ARL14EPL: variants seen among roughly 807,000 people sequenced by gnomAD.
ARL14EPL encodes ARF like GTPase 14 effector protein like.
ARL14EPL carries 17 observed loss-of-function variants against 15.9 expected under a neutral mutation model. That is an observed-to-expected ratio of 1.07 (90% CI 0.73 to 1.60). The LOEUF (loss-of-function observed/expected upper bound fraction) is 1.60. Among genes scored for constraint, ARL14EPL ranks in the 40% most tolerant of loss-of-function variants. The probability of loss-of-function intolerance (pLI) is 0.00; values close to 1 mark genes in which losing one functional copy is unlikely to be tolerated. For missense variants in ARL14EPL, 214 were observed against 185.9 expected, an observed-to-expected ratio of 1.15 and a Z score of -0.88; for synonymous variants, 78 against 63.8, an observed-to-expected ratio of 1.22 and a Z score of -1.06.
chr5:116,050,568 G>C (rs1749350358), intron 1 of ARL14EPL, among the ~76,000 whole-genome samples: 1 of 152,148 alleles, frequency 6.6e-6, no homozygotes, highest in African/African-American at 2.4e-5. Flanking sequence ...CAGCAGAGAG[G>C]TGATGCTAAA....
chr5:116,054,580 C>G (rs1466022701), intron 3 of ARL14EPL, among the ~76,000 whole-genome samples: 1 of 152,192 alleles, frequency 6.6e-6, no homozygotes, highest in African/African-American at 2.4e-5. Context: ...ACCTGTAATT[C>G]CAACACTTTG....
At chr5:116,040,975 C>A (rs1749143580) in intron 1 of ARL14EPL, among the ~76,000 whole-genome samples, 1 of 9,190 alleles carries the variant, frequency 1.1e-4, no homozygotes, top group Non-Finnish European at 2.7e-4. Context: ...ACGAGATTCC[C>A]TCTCAAAAAA....
At chr5:116,048,980 CA>C (rs1428547399) in intron 1 of ARL14EPL, among the ~76,000 whole-genome samples, 1 of 151,950 alleles carries the variant, frequency 6.6e-6, no homozygotes, top group Non-Finnish European at 1.5e-5. Context: ...CTGATAAACC[CA>C]AAATATTTTA....
At chr5:116,041,078 G>C (rs1343541579) in intron 1 of ARL14EPL, among the ~76,000 whole-genome samples, 1 of 151,000 alleles carries the variant, frequency 6.6e-6, no homozygotes, top group South Asian at 2.1e-4. Flanking sequence ...AAAAAGCACA[G>C]GGAGTTCTCA....
At chr5:116,040,321 TTA>T (rs1749125546) in intron 1 of ARL14EPL, among the ~76,000 whole-genome samples, 1 of 151,818 alleles carries the variant, frequency 6.6e-6, no homozygotes, top group Admixed American at 6.6e-5. Context: ...ATAATAGAAA[TTA>T]TAGAATTTAT....
At chr5:116,034,522 TC>T (rs1749013567) in intron 1 of ARL14EPL, among the ~76,000 whole-genome samples, 1 of 152,092 alleles carries the variant, frequency 6.6e-6, no homozygotes, top group African/African-American at 2.4e-5. Context: ...TTCCTTCACT[TC>T]CCCCAACACA....
At chr5:116,051,837 G>T in intron 2 of ARL14EPL, 1 of 1,064,476 alleles carries the variant, frequency 9.4e-7, no homozygotes, top group Non-Finnish European at 1.4e-6. Flanking sequence ...ATATACAAAC[G>T]TTTTTATTTT....
In ARL14EPL at chr5:116,058,774, G is replaced by T; in HGVS notation, c.286G>T (p.Asp96Tyr). 1 of 1,535,836 alleles carries T rather than the reference G, an allele frequency of 6.5e-7. No individual in the cohort carries two copies. Residue 96 changes from aspartate to tyrosine, a missense_variant, in exon 4 of 4, where the codon GAT (aspartate) becomes TAT (tyrosine). Coordinates refer to ENST00000686077, the MANE Select transcript of ARL14EPL (RefSeq NM_001195581.2). ...TGGCAGGCTCATCTGTAATGACGCTGATCTGTGTGATTGTCTAGAGAAGAA... is the reference window on the plus strand; with the variant it reads ...TGGCAGGCTCATCTGTAATGACGCTTATCTGTGTGATTGTCTAGAGAAGAA... The part of the protein sequence containing the change: ...KSGRLICNDA[D>Y]LCDCLEKNCL...
intron 3 of ARL14EPL, among the ~76,000 whole-genome samples, chr5:116,057,858 C>G (rs1207549187): frequency 6.6e-6 from 1 of 152,182 alleles, no homozygotes; most frequent in Admixed American, 6.5e-5. Flanking sequence ...CTTAGGACAA[C>G]CAGCCTTTTG....
intron 1 of ARL14EPL, among the ~76,000 whole-genome samples, chr5:116,049,260 T>C (rs115778558): frequency 0.012 from 1,817 of 152,328 alleles, 13 homozygotes; most frequent in Non-Finnish European, 0.017. Flanking sequence ...AGCTTATTAA[T>C]TATGCAGAAT....
intron 1 of ARL14EPL, 113 bp from the exon 2 acceptor site, chr5:116,051,344 G>C: frequency 1.4e-6 from 1 of 699,388 alleles, no homozygotes; most frequent in African/African-American, 1.8e-5. Context: ...TACAGATACA[G>C]TCTGGTTTTG....
chr5:116,055,390 AAAT>A (rs886281892), intron 3 of ARL14EPL, among the ~76,000 whole-genome samples: 2 of 152,228 alleles, frequency 1.3e-5, no homozygotes, highest in Non-Finnish European at 2.9e-5. Context: ...ATAGCAAAGA[AAAT>A]AAACTGTTAA....
intron 1 of ARL14EPL, among the ~76,000 whole-genome samples, chr5:116,044,668 T>A (rs1302905860): frequency 2.0e-5 from 3 of 152,160 alleles, no homozygotes; most frequent in Non-Finnish European, 1.5e-5. Flanking sequence ...GAATGGAAGA[T>A]GAGAGAGAAG....
Position 116,052,169 on chromosome 5 carries a change from A to G in ARL14EPL, c.96+608A>G. 3 of 1,610,560 alleles carry G rather than the reference A, an allele frequency of 1.9e-6. No individual in the cohort carries two copies. In the South Asian group the frequency reaches 3.3e-5, roughly 18 times the overall value. On this transcript the variant is annotated intron_variant, in intron 2 of 3. Coordinates refer to ENST00000686077, the MANE Select transcript of ARL14EPL (RefSeq NM_001195581.2). The stretch of plus-strand genomic sequence containing the variant: ...GACTAAGTTATTGAGCTTGTCCCGA[A>G]CTTTGCCTTTGGACCACTTCTTCTT...
intron 2 of ARL14EPL, among the ~76,000 whole-genome samples, chr5:116,052,840 C>A (rs2112678962): frequency 6.6e-6 from 1 of 152,202 alleles, no homozygotes. Context: ...CCTTTTGTTT[C>A]CAGGTGGGGT....
chr5:116,056,956 G>A (rs1448748039), intron 3 of ARL14EPL, among the ~76,000 whole-genome samples: 3 of 152,126 alleles, frequency 2.0e-5, no homozygotes, highest in African/African-American at 7.2e-5. Context: ...ACCAAAGCCT[G>A]GCAGAGACAC....
chr5:116,046,333 A>C (rs749266066), intron 1 of ARL14EPL, among the ~76,000 whole-genome samples: 2 of 152,214 alleles, frequency 1.3e-5, no homozygotes, highest in Non-Finnish European at 2.9e-5. Flanking sequence ...GCTAGTGTCC[A>C]TAGGGGTAAT....
Position 116,051,512 on chromosome 5 carries a change from C to A in ARL14EPL, c.47C>A (p.Thr16Lys). 1.3e-6 allele frequency: 2 copies of A among 1,535,688 alleles called. No homozygotes were observed. Among genetic ancestry groups the A allele is most frequent in the Non-Finnish European group, 1.7e-6 (2 of 1,146,560 alleles). Residue 16 changes from threonine (T) to lysine (K), a missense_variant, in exon 2 of 4, where the codon ACA (threonine) becomes AAA (lysine). Thr to Lys is a moderately conservative substitution (Grantham distance 78, BLOSUM62 -1). Coordinates refer to ENST00000686077, the MANE Select transcript of ARL14EPL (RefSeq NM_001195581.2). ...EKNNSIQERH[T>K]DHSFPEKNCQ... ...AACAATTCCATTCAAGAGAGACACA[C>A]AGATCATAGTTTTCCTGAGAAGAAC...
intron 1 of ARL14EPL, among the ~76,000 whole-genome samples, chr5:116,043,376 C>A (rs1749201095): frequency 6.6e-6 from 1 of 151,970 alleles, no homozygotes; most frequent in East Asian, 1.9e-4. Context: ...TTACATTCAA[C>A]TTATTCTCTA....
Sources: allele counts gnomAD v4.1 joint callset (sites outside exome capture counted in the v4.1 genomes callset), GRCh38; gene constraint gnomAD v4.1.1; transcripts MANE v1.5; gene names NCBI Gene and HGNC (gene_info 2026-07-23, HGNC 2026-07-21).